USP42: variants seen among roughly 807,000 people sequenced by gnomAD.
The protein encoded by USP42 is ubiquitin specific peptidase 42.
In USP42, 23 loss-of-function variants were observed where a neutral mutation model predicts 113.0. The observed-to-expected ratio is 0.20, with a 90% CI of 0.15 to 0.29. The LOEUF is 0.29. Ranked by LOEUF, USP42 falls within the 10% of genes least tolerant of loss-of-function variation. The pLI is 1.00. For synonymous variants in USP42, 933 were observed against 699.0 expected, an observed-to-expected ratio of 1.33 and a Z score of -5.28; for missense variants, 2,174 against 1,779.8, an observed-to-expected ratio of 1.22 and a Z score of -3.99.
chr7:6,094,916 T>C, the USP42 span, among the ~76,000 whole-genome samples: 1 of 150,594 alleles, frequency 6.6e-6, no homozygotes, highest in Non-Finnish European at 1.5e-5. Context: ...GCCTCCTGAG[T>C]AGCTGGGATT....
At chr7:6,105,922 A>G (rs577414093) in intron 1 of USP42, among the ~76,000 whole-genome samples, 9 of 152,308 alleles carry the variant, frequency 5.9e-5, no homozygotes, top group East Asian at 5.8e-4. Flanking sequence ...GGTTATGTAA[A>G]GTCAATACCC....
chr7:6,116,493 T>C (rs919215617), intron 3 of USP42: 1 of 228,688 alleles, frequency 4.4e-6, no homozygotes. Flanking sequence ...TTCTTTGATC[T>C]AAATTAATGG....
At chr7:6,088,324 C>T in the USP42 span, among the ~76,000 whole-genome samples, 152 of 151,006 alleles carry the variant, frequency 1.0e-3, 1 homozygote, top group Admixed American at 1.6e-3. Flanking sequence ...GGTGCAATCT[C>T]GGCTCACTGC....
At chr7:6,134,942 A>T (rs1205345643) in intron 3 of USP42, among the ~76,000 whole-genome samples, 1 of 151,982 alleles carries the variant, frequency 6.6e-6, no homozygotes, top group African/African-American at 2.4e-5. Flanking sequence ...TTGTGCCACC[A>T]CACTGGGCTA....
chr7:6,150,413 T>C lies in USP42; in HGVS notation c.2108T>C (p.Leu703Ser), dbSNP rs1445657756. 9 of 1,613,772 alleles carry C rather than the reference T, an allele frequency of 5.6e-6. No homozygotes were observed. Among genetic ancestry groups the C allele is most frequent in the Non-Finnish European group, 7.6e-6 (9 of 1,179,668 alleles). Residue 703 changes from leucine to serine, a missense_variant and splice_region_variant, in exon 14 of 18, where the codon TTG (leucine) becomes TCG (serine). By Grantham distance (145) the Leu-to-Ser change is moderately radical. Transcript: ENST00000306177. ...GAAATATTTTTGTTTTTATTGCAGT[T>C]GATGCCTGCTCCTTTGCTGTCTCTC... ...FAKANGLPGK[L>S]MPAPLLSLPE...
intron 11 of USP42, 50 bp from the exon 12 acceptor site, chr7:6,147,689 C>T (rs761560041): frequency 4.9e-5 from 74 of 1,519,416 alleles, no homozygotes; most frequent in East Asian, 6.9e-5. Flanking sequence ...ATGAATCTCT[C>T]CTAAGGAGGT....
At chr7:6,093,089 C>G in the USP42 span, 1 of 150,454 alleles carries the variant, frequency 6.6e-6, no homozygotes, top group Non-Finnish European at 1.5e-5. Flanking sequence ...TTGGTGTCAT[C>G]TGAGCACTCT....
chr7:6,159,167 C>A lies in USP42; in HGVS notation c.3944-283C>A, dbSNP rs903742091. Among the ~76,000 whole-genome samples the A allele has an allele frequency of 1.3e-5, 2 of 152,210 alleles. No individual in the cohort carries two copies. The highest frequency in any genetic ancestry group is 4.8e-5 in the African/African-American group (2 of 41,462). On this transcript the variant is annotated intron_variant, in intron 16 of 17. Transcript: ENST00000306177. This position sits in a 1 kb window ranked among gnomAD's most constrained non-coding sequence, Gnocchi z 4.1. ...TTCAAACTCCTCCTCTGGCTCTGTT[C>A]CGCCCAGTTCAGTTCTTGGGCCTGA...
At position 6,160,960 on chromosome 7, in the gene USP42, T is replaced by TA. The variant is rs1003888833; in HGVS notation, c.*447dup. On this transcript the variant is annotated 3_prime_UTR_variant, in exon 18 of 18. Coordinates refer to ENST00000306177, the MANE Select transcript of USP42 (RefSeq NM_032172.3). ...TGTATATTTAATTTAAAGACTTATT[T>TA]AAAAACTCACAAGCTCTCACCTAGA... 6.6e-6 allele frequency: 1 copy of TA among 152,652 alleles called. No individual in the cohort carries two copies. The highest frequency in any genetic ancestry group is 1.5e-5 in the Non-Finnish European group (1 of 68,042). The allele number at this position is 152,652 out of a possible 1,614,324, so 9.5% of individuals were successfully genotyped here. A position where few individuals can be genotyped will look rare whatever the true frequency, so the allele number is the denominator to read the frequency against.
Position 6,149,532 on chromosome 7 carries a change from G to C in USP42, c.1387-51G>C, listed in dbSNP as rs149231408. 1.9e-4 allele frequency: 297 copies of C among 1,549,418 alleles called. No individual in the cohort carries two copies. In the African/African-American group the frequency reaches 3.7e-3, roughly 19 times the overall value. ...CCATCAGCCAAAATGGGTTCTGTTT[G>C]TGTGACCATGTTTCTGGAGCTCTGA... On this transcript the variant is annotated intron_variant, in intron 12 of 17. Coordinates refer to ENST00000306177, the MANE Select transcript of USP42 (RefSeq NM_032172.3).
At chr7:6,119,399 A>C (rs1001568862) in intron 3 of USP42, among the ~76,000 whole-genome samples, 1 of 152,104 alleles carries the variant, frequency 6.6e-6, no homozygotes, top group Non-Finnish European at 1.5e-5. Flanking sequence ...TCAGCTCAGG[A>C]GGTGGTGACT....
At chr7:6,114,011 AG>A (rs1260688005) in intron 2 of USP42, among the ~76,000 whole-genome samples, 1 of 152,172 alleles carries the variant, frequency 6.6e-6, no homozygotes, top group Non-Finnish European at 1.5e-5. Context: ...TTCCTAAATA[AG>A]TTGTTTCTTG....
chr7:6,115,049 T>C (rs889174901), intron 2 of USP42, among the ~76,000 whole-genome samples: 4 of 152,086 alleles, frequency 2.6e-5, no homozygotes, highest in Non-Finnish European at 5.9e-5. Flanking sequence ...GTCTACACTT[T>C]GCATTTGGTA....
At chr7:6,121,222 C>G (rs1039270222) in intron 3 of USP42, among the ~76,000 whole-genome samples, 2 of 152,174 alleles carry the variant, frequency 1.3e-5, no homozygotes, top group East Asian at 3.9e-4. Flanking sequence ...ATGTCTCTTT[C>G]TCAGCCTTAG....
chr7:6,111,768 A>AT, intron 2 of USP42: 1 of 102,904 alleles, frequency 9.7e-6, no homozygotes, highest in Non-Finnish European at 1.6e-5. Flanking sequence ...AAGCCCGGCT[A>AT]ATTTTTTTTT....
rs182733871 is a variant in USP42, at chr7:6,148,857, C to T, written c.1387-726C>T. On this transcript the variant is annotated intron_variant, in intron 12 of 17. Transcript: ENST00000306177. Reference sequence around the variant, plus strand: ...CCTTTTGGGCTCTGCTCCAGAGTGACATCAGGACTCTGGCAAACAGGAGGG... The same window carrying T: ...CCTTTTGGGCTCTGCTCCAGAGTGATATCAGGACTCTGGCAAACAGGAGGG... Among the ~76,000 whole-genome samples the T allele has an allele frequency of 3.9e-5, 6 of 152,304 alleles. No individual in the cohort carries two copies. The East Asian group carries it at 1.2e-3, about 29-fold the overall frequency.
chr7:6,127,603 G>T (rs559871143), intron 3 of USP42, among the ~76,000 whole-genome samples: 4 of 152,182 alleles, frequency 2.6e-5, no homozygotes, highest in Middle Eastern at 3.4e-3. Context: ...TTGTGTGTCT[G>T]TCTCCAGGTT....
chr7:6,103,321 G>C (rs1790188621), upstream of USP42, among the ~76,000 whole-genome samples: 1 of 150,744 alleles, frequency 6.6e-6, no homozygotes, highest in South Asian at 2.1e-4. Context: ...TTCCACACCT[G>C]AGGTCAGGAG....
intron 3 of USP42, among the ~76,000 whole-genome samples, chr7:6,132,801 A>T (rs1313583496): frequency 6.6e-6 from 1 of 152,140 alleles, no homozygotes; most frequent in Non-Finnish European, 1.5e-5. Context: ...CCTCCTGAGT[A>T]GCTGGGACCA....
Sources: gnomAD v4.1 joint callset for allele counts (sites outside exome capture counted in the v4.1 genomes callset) on GRCh38, gnomAD v4.1.1 for gene constraint, Gnocchi (gnomAD v3.1) non-coding constraint, MANE v1.5 for transcripts, NCBI Gene and HGNC (gene_info 2026-07-23, HGNC 2026-07-21) for gene names.